Variants in TICAM2 observed in about 807,000 individuals in gnomAD.
The protein encoded by TICAM2 is TIR domain containing adaptor molecule 2.
A neutral mutation model predicts 7.3 loss-of-function variants in TICAM2; 8 were observed. The ratio of observed to expected loss-of-function variants is 1.10; its 90% confidence interval spans 0.65 to 1.99. The LOEUF is 1.99. Among genes scored for constraint, TICAM2 ranks in the 30% most tolerant of loss-of-function variants. The pLI is 0.00. For synonymous variants in TICAM2, 113 were observed against 99.6 expected, an observed-to-expected ratio of 1.13 and a Z score of -0.80; for missense variants, 304 against 278.8, an observed-to-expected ratio of 1.09 and a Z score of -0.65.
intron 1 of TICAM2, among the ~76,000 whole-genome samples, chr5:115,582,467 C>G (rs1754964180): frequency 2.0e-5 from 3 of 151,698 alleles, no homozygotes; most frequent in Admixed American, 1.3e-4. Flanking sequence ...GCTACCACGT[C>G]TGGCCTAGAC....
At position 115,580,399 on chromosome 5, in the gene TICAM2, C is replaced by T; in HGVS notation, c.*150G>A. ...AAGTACCACAATTTTATAGGCTGTC[C>T]TGCAGAAATTTATCTTTCTTGTGCT... On this transcript the variant is annotated 3_prime_UTR_variant, in exon 2 of 2. Transcript: ENST00000427199. 2 of 1,048,544 alleles carry T rather than the reference C, an allele frequency of 1.9e-6. No homozygotes were observed. The highest frequency in any genetic ancestry group is 2.6e-5 in the South Asian group (1 of 38,710). The allele number at this position is 1,048,544 out of a possible 1,614,324, so 65.0% of individuals were successfully genotyped here.
In TICAM2 at chr5:115,581,267, C is replaced by T. The variant is rs764921977; in HGVS notation, c.-11G>A. 13 of 1,603,952 alleles carry T rather than the reference C, an allele frequency of 8.1e-6. No homozygotes were observed. The South Asian group carries it at 1.3e-4, about 16-fold the overall frequency. ...CTTCCCGATACCCATTATAAATATCCAAGGCAGAAGAGGAAAACTTTATGT... is the reference window on the plus strand; with the variant it reads ...CTTCCCGATACCCATTATAAATATCTAAGGCAGAAGAGGAAAACTTTATGT... On this transcript the variant is annotated 5_prime_UTR_variant, in exon 2 of 2. Coordinates refer to ENST00000427199, the MANE Select transcript of TICAM2 (RefSeq NM_021649.7).
chr5:115,587,720 GGGACCTAT>G (rs1167378164), intron 1 of TICAM2, among the ~76,000 whole-genome samples: 1 of 152,174 alleles, frequency 6.6e-6, no homozygotes. Context: ...AATCCAGTCT[GGGACCTAT>G]GGAGCTTGGG....
chr5:115,585,951 G>A (rs1755088542), intron 1 of TICAM2, among the ~76,000 whole-genome samples: 1 of 152,210 alleles, frequency 6.6e-6, no homozygotes, highest in Non-Finnish European at 1.5e-5. Context: ...TAAAAGTGGT[G>A]AGAAGTGGCT....
intron 1 of TICAM2, among the ~76,000 whole-genome samples, chr5:115,598,481 C>T (rs183177939): frequency 6.6e-6 from 1 of 152,146 alleles, no homozygotes; most frequent in Non-Finnish European, 1.5e-5. Flanking sequence ...TAAAAAAATG[C>T]TTCTATCCGA....
At chr5:115,584,153 T>C (rs760066274) in intron 1 of TICAM2, among the ~76,000 whole-genome samples, 43 of 152,196 alleles carry the variant, frequency 2.8e-4, no homozygotes, top group Non-Finnish European at 4.9e-4. Flanking sequence ...ATATATATTC[T>C]TATTTTTCTT....
At chr5:115,590,315 A>G (rs1755255376) in intron 1 of TICAM2, among the ~76,000 whole-genome samples, 2 of 152,356 alleles carry the variant, frequency 1.3e-5, no homozygotes, top group Non-Finnish European at 1.5e-5. Context: ...GTCTCAAAAA[A>G]GAAAAAGTTA....
At chr5:115,591,793 T>C (rs1412488582) in intron 1 of TICAM2, among the ~76,000 whole-genome samples, 1 of 152,046 alleles carries the variant, frequency 6.6e-6, no homozygotes, top group African/African-American at 2.4e-5. Context: ...AGAACAACTA[T>C]ACAATTAGAA....
At position 115,579,774 on chromosome 5, in the gene TICAM2, A is replaced by T. The variant is rs373462258; in HGVS notation, c.*775T>A. On this transcript the variant is annotated 3_prime_UTR_variant, in exon 2 of 2. Coordinates refer to ENST00000427199, the MANE Select transcript of TICAM2 (RefSeq NM_021649.7). Reference sequence around the variant, plus strand: ...GAGAGGTTTTTGATTTAAAAAGTGAATATCTGGCCACTCACACAGTTATAC... The same window carrying T: ...GAGAGGTTTTTGATTTAAAAAGTGATTATCTGGCCACTCACACAGTTATAC... 1 of 152,322 alleles carries T rather than the reference A, an allele frequency of 6.6e-6. No individual in the cohort carries two copies. Among genetic ancestry groups the T allele is most frequent in the South Asian group, 2.1e-4 (1 of 4,822 alleles). 9.4% of individuals were successfully genotyped at this position (152,322 alleles called of 1,614,324 possible).
chr5:115,591,157 C>T (rs562835716), intron 1 of TICAM2, among the ~76,000 whole-genome samples: 3 of 152,258 alleles, frequency 2.0e-5, no homozygotes, highest in South Asian at 2.1e-4. Flanking sequence ...AACCCAGAGA[C>T]GACTCTCCCC....
intron 1 of TICAM2, among the ~76,000 whole-genome samples, chr5:115,601,786 T>C (rs932806362): frequency 6.6e-6 from 1 of 152,172 alleles, no homozygotes; most frequent in African/African-American, 2.4e-5. Context: ...TGCAGAGCCT[T>C]TAGAGCATTT....
intron 1 of TICAM2, among the ~76,000 whole-genome samples, chr5:115,582,976 T>C (rs1223798672): frequency 1.3e-5 from 2 of 152,222 alleles, no homozygotes; most frequent in Admixed American, 1.3e-4. Flanking sequence ...TCATTCACTC[T>C]GTCTGTACTT....
rs759711120 is a variant in TICAM2, at chr5:115,580,907, C to T, written c.350G>A (p.Cys117Tyr). 4.3e-6 allele frequency: 7 copies of T among 1,613,742 alleles called. No individual in the cohort carries two copies. In the South Asian group the frequency reaches 4.4e-5, roughly 10 times the overall value. The change falls in exon 2 of 2, where the codon TGT becomes TAT. Residue 117 changes from cysteine to tyrosine, a missense_variant. Transcript: ENST00000427199. ...KPGIIFAEMPCGRQHLQNLDD... is the reference protein window; with the variant it reads ...KPGIIFAEMPYGRQHLQNLDD... ...TAAATTCTGTAAATGCTGTCTGCCA[C>T]ATGGCATCTCAGCAAAGATTATTCC...
chr5:115,598,056 T>C (rs1029848023), intron 1 of TICAM2, among the ~76,000 whole-genome samples: 10 of 152,220 alleles, frequency 6.6e-5, no homozygotes, highest in African/African-American at 2.4e-4. Context: ...CACATACATG[T>C]TCACCTTTTG....
At chr5:115,582,904 T>C (rs976759549) in intron 1 of TICAM2, among the ~76,000 whole-genome samples, 3 of 152,170 alleles carry the variant, frequency 2.0e-5, no homozygotes, top group African/African-American at 7.2e-5. Flanking sequence ...TTTCATTCAA[T>C]GTATGTGAGT....
intron 1 of TICAM2, among the ~76,000 whole-genome samples, chr5:115,594,972 A>C (rs953641732): frequency 6.6e-6 from 1 of 152,146 alleles, no homozygotes; most frequent in Non-Finnish European, 1.5e-5. Flanking sequence ...GTTTCCAAAC[A>C]GCACTCCCTT....
intron 1 of TICAM2, among the ~76,000 whole-genome samples, chr5:115,586,470 G>C (rs1224203022): frequency 6.7e-6 from 1 of 150,336 alleles, no homozygotes; most frequent in East Asian, 1.9e-4. Context: ...AGGCAGAAAA[G>C]GACTAGTCAG....
intron 1 of TICAM2, among the ~76,000 whole-genome samples, chr5:115,586,417 G>GA (rs1374739495): frequency 4.6e-5 from 4 of 87,894 alleles, no homozygotes; most frequent in Non-Finnish European, 6.5e-5. Context: ...GTAGAGTGTT[G>GA]GAAAAAAAAA....
rs565209935 is a variant in TICAM2 at position 115,579,347 on chromosome 5, A to G, written c.*1202T>C. ...TCAATTCAACCCTTTCATTTCACAGATAAAGGAGGGTAAATAGTTTGCCCA... is the reference window on the plus strand; with the variant it reads ...TCAATTCAACCCTTTCATTTCACAGGTAAAGGAGGGTAAATAGTTTGCCCA... On this transcript the variant is annotated 3_prime_UTR_variant, in exon 2 of 2. Transcript: ENST00000427199. 1.3e-5 allele frequency: 2 copies of G among 152,674 alleles called. No homozygotes were observed. Among genetic ancestry groups the G allele is most frequent in the East Asian group, 3.9e-4 (2 of 5,182 alleles). 9.5% of individuals were successfully genotyped at this position (152,674 alleles called of 1,614,324 possible).
Sources: gnomAD v4.1 joint callset for allele counts (sites outside exome capture counted in the v4.1 genomes callset) on GRCh38, gnomAD v4.1.1 for gene constraint, MANE v1.5 for transcripts, NCBI Gene and HGNC (gene_info 2026-07-23, HGNC 2026-07-21) for gene names.